CEP85: variants seen among roughly 807,000 people sequenced by gnomAD.
CEP85 encodes centrosomal protein 85.
Under a neutral mutation model 93.7 loss-of-function variants are expected in CEP85, and 58 were observed. The ratio of observed to expected loss-of-function variants is 0.62; its 90% CI spans 0.50 to 0.77. CEP85 has a LOEUF of 0.77. CEP85 is among the 30% of genes least tolerant of loss of function. The pLI is 0.00. For synonymous variants in CEP85, 314 were observed against 338.6 expected, an observed-to-expected ratio of 0.93 and a Z score of 0.80; for missense variants, 868 against 922.0, an observed-to-expected ratio of 0.94 and a Z score of 0.76.
chr1:26,237,841 A>C lies in CEP85; in HGVS notation c.-22-1921A>C, dbSNP rs547426169. Among the ~76,000 whole-genome samples, 6 of 152,290 alleles carry C rather than the reference A, an allele frequency of 3.9e-5. No individual in the cohort carries two copies. The South Asian group carries it at 8.3e-4, about 21-fold the overall frequency. ...TTGTTATCCTTTAAAGAAAGGAGTGAAGAAAAGGATTTTGATATTGACAAG... is the reference window on the plus strand; with the variant it reads ...TTGTTATCCTTTAAAGAAAGGAGTGCAGAAAAGGATTTTGATATTGACAAG... On this transcript the variant is annotated intron_variant, in intron 1 of 13. Coordinates refer to ENST00000451429, the MANE Select transcript of CEP85 (RefSeq NM_001319944.2).
chr1:26,257,857 A>G, intron 5 of CEP85, 127 bp downstream of exon 5: 1 of 1,064,302 alleles, frequency 9.4e-7, no homozygotes. Flanking sequence ...CTCATGGTGG[A>G]GGTAGTTTGA....
intron 3 of CEP85, among the ~76,000 whole-genome samples, chr1:26,252,310 A>C (rs547696418): frequency 6.6e-6 from 1 of 152,040 alleles, no homozygotes; most frequent in South Asian, 2.1e-4. Flanking sequence ...AGGCGGGCGG[A>C]TCACCTGAGG....
At chr1:26,270,919 T>A in intron 9 of CEP85, 95 bp from the exon 10 acceptor site, 4 of 754,472 alleles carry the variant, frequency 5.3e-6, no homozygotes, top group Non-Finnish European at 9.5e-6. Flanking sequence ...TTGGACTAAG[T>A]GTCTTGCCTC....
At position 26,244,318 on chromosome 1, in the gene CEP85, G is replaced by A; in HGVS notation, c.208G>A (p.Asp70Asn). 1 of 1,612,052 alleles carries A rather than the reference G, an allele frequency of 6.2e-7. No individual in the cohort carries two copies. The highest frequency in any genetic ancestry group is 1.1e-5 in the South Asian group (1 of 90,830). Residue 70 changes from aspartate to asparagine, a missense_variant and splice_region_variant, in exon 3 of 14, where the codon GAT becomes AAT. Physicochemically the swap from Asp to Asn is conservative, Grantham distance 23. Transcript: ENST00000451429. ...TACATCATGCTCAGATATTGCGGAGGGTAAGTTTGTATTAATGATTTGATT... is the reference window on the plus strand; with the variant it reads ...TACATCATGCTCAGATATTGCGGAGAGTAAGTTTGTATTAATGATTTGATT... ...IGTSCSDIAE[D>N]FCSSSGSPPF...
At chr1:26,248,744 T>TTTTTTTTTC (rs397979716) in intron 3 of CEP85, among the ~76,000 whole-genome samples, 1 of 142,382 alleles carries the variant, frequency 7.0e-6, no homozygotes, top group Non-Finnish European at 1.5e-5. Flanking sequence ...TTTTTTTTTT[T>TTTTTTTTTC]GAGACCGAGT....
intron 11 of CEP85, among the ~76,000 whole-genome samples, chr1:26,273,305 A>G (rs1397871606): frequency 1.3e-5 from 2 of 152,136 alleles, no homozygotes; most frequent in Non-Finnish European, 2.9e-5. Context: ...AAGTTTTCAC[A>G]CCAAAACACC....
chr1:26,238,087 T>C (rs921928231), intron 1 of CEP85, among the ~76,000 whole-genome samples: 1 of 151,058 alleles, frequency 6.6e-6, no homozygotes, highest in Non-Finnish European at 1.5e-5. Context: ...TCTATAGTAT[T>C]CTCTTAGTAA....
At position 26,269,481 on chromosome 1, in the gene CEP85, A is replaced by C; in HGVS notation, c.1516A>C (p.Ser506Arg). The change falls in exon 9 of 14, where the codon AGC becomes CGC. Residue 506 changes from serine (S) to arginine (R), a missense_variant. Physicochemically the swap from Ser to Arg is moderately radical, Grantham distance 110. Transcript: ENST00000451429. The stretch of plus-strand genomic sequence containing the variant: ...TCAGCTTAAGGATTCTGAGTTGAAG[A>C]GCACAGAGCTGCAGGAGAAAGTGAC... Reference protein sequence around the residue: ...SQQLKDSELKSTELQEKVTEL... With the variant: ...SQQLKDSELKRTELQEKVTEL... 6.2e-7 allele frequency: 1 copy of C among 1,614,164 alleles called. No homozygotes were observed. Among genetic ancestry groups the C allele is most frequent in the South Asian group, 1.1e-5 (1 of 91,080 alleles).
chr1:26,257,457 TA>T, intron 4 of CEP85, 139 bp from the exon 5 acceptor site: 2 of 971,548 alleles, frequency 2.1e-6, no homozygotes, highest in Non-Finnish European at 3.0e-6. Context: ...GCCTCAGAGC[TA>T]AAATTATTTC....
chr1:26,261,778 G>C (rs1056985674), intron 7 of CEP85, among the ~76,000 whole-genome samples: 2 of 151,186 alleles, frequency 1.3e-5, no homozygotes, highest in African/African-American at 4.9e-5. Flanking sequence ...ATTACTCAGA[G>C]CAAAAGTTGC....
chr1:26,272,221 C>A, intron 11 of CEP85, 150 bp downstream of exon 11: 3 of 726,602 alleles, frequency 4.1e-6, no homozygotes, highest in Non-Finnish European at 7.1e-6. Context: ...TTGAGCCTTG[C>A]TGAGAGGACA....
Position 26,269,596 on chromosome 1 carries a change from TCTC to T in CEP85, c.1636_1638del (p.Ser546del), listed in dbSNP as rs1377767876. On this transcript the variant is annotated inframe_deletion, in exon 9 of 14. Transcript: ENST00000451429. The stretch of plus-strand genomic sequence containing the variant: ...AGCCTGAGGCAGAGAGAAGCAGAAT[TCTC>T]CTCCGCTGGACATAGGTAAATAACC... 1.9e-6 allele frequency: 3 copies of T among 1,613,320 alleles called. No individual in the cohort carries two copies. Among genetic ancestry groups the T allele is most frequent in the Non-Finnish European group, 2.5e-6 (3 of 1,179,748 alleles).
intron 13 of CEP85, 75 bp from the exon 14 acceptor site, chr1:26,277,061 C>T: frequency 2.1e-6 from 3 of 1,429,376 alleles, no homozygotes; most frequent in South Asian, 2.4e-5. Flanking sequence ...CAAGATACTG[C>T]CTATCCATAC....
chr1:26,240,903 A>AC (rs1014773988), intron 2 of CEP85, among the ~76,000 whole-genome samples: 1 of 152,158 alleles, frequency 6.6e-6, no homozygotes, highest in Admixed American at 6.5e-5. Context: ...GTCTCAAAAA[A>AC]AAAAAGGGGA....
chr1:26,266,022 A>G (rs976053851), intron 7 of CEP85, among the ~76,000 whole-genome samples: 3 of 152,114 alleles, frequency 2.0e-5, no homozygotes, highest in Admixed American at 6.5e-5. Context: ...AGCGTGGCCA[A>G]CATGGTGAAA....
chr1:26,273,474 G>C (rs370878513), intron 11 of CEP85, among the ~76,000 whole-genome samples: 26 of 152,136 alleles, frequency 1.7e-4, no homozygotes, highest in Admixed American at 1.3e-4. Flanking sequence ...AAAATCCCAG[G>C]TTTTTAGTAG....
intron 2 of CEP85, among the ~76,000 whole-genome samples, chr1:26,243,128 CTTTTT>C (rs35251831): frequency 2.5e-5 from 3 of 121,876 alleles, no homozygotes; most frequent in Non-Finnish European, 1.7e-5. Flanking sequence ...CAGTGATTTT[CTTTTT>C]TTTTTTTTTT....
intron 3 of CEP85, among the ~76,000 whole-genome samples, chr1:26,254,052 G>T (rs1569995516): frequency 2.6e-5 from 4 of 152,078 alleles, no homozygotes; most frequent in East Asian, 3.9e-4. Context: ...CATAATTCTG[G>T]GAACAATTAT....
intron 3 of CEP85, among the ~76,000 whole-genome samples, chr1:26,254,380 AC>A: frequency 6.6e-6 from 1 of 152,138 alleles, no homozygotes. Flanking sequence ...GTCTCCCAAG[AC>A]CAGGCAGGAG....
Sources: gnomAD v4.1 joint callset for allele counts (sites outside exome capture counted in the v4.1 genomes callset) on GRCh38, gnomAD v4.1.1 for gene constraint, MANE v1.5 for transcripts, NCBI Gene and HGNC (gene_info 2026-07-23, HGNC 2026-07-21) for gene names.